Variants in SF3B1 observed in about 807,000 individuals in gnomAD.
SF3B1 encodes pre-mRNA processing 10.
Under a neutral mutation model 153.8 loss-of-function variants are expected in SF3B1, and 12 were observed. That is an observed-to-expected ratio of 0.08 (90% confidence interval 0.05 to 0.13). SF3B1 has a LOEUF of 0.13. SF3B1 is among the 10% of genes least tolerant of loss of function. The pLI is 1.00. For missense variants in SF3B1, 513 were observed against 1,606.1 expected (o/e 0.32, Z 11.63); for synonymous variants, 498 against 525.2 (o/e 0.95, Z 0.71).
At chr2:197,427,880 G>T (rs1034331434) in intron 1 of SF3B1, among the ~76,000 whole-genome samples, 11 of 152,076 alleles carry the variant, frequency 7.2e-5, no homozygotes, top group African/African-American at 2.4e-4. Context: ...TTAGCCAGGT[G>T]TGGTGGTGGG....
intron 1 of SF3B1, among the ~76,000 whole-genome samples, chr2:197,426,509 T>C (rs556498448): frequency 1.3e-5 from 2 of 152,206 alleles, no homozygotes; most frequent in Admixed American, 6.5e-5. Flanking sequence ...TTTACCTAAA[T>C]AGGTTTTTGT....
At chr2:197,414,488 CAAGA>C (rs2085118445) in intron 6 of SF3B1, among the ~76,000 whole-genome samples, 2 of 151,980 alleles carry the variant, frequency 1.3e-5, no homozygotes, top group South Asian at 4.1e-4. Context: ...TGAGGGGAAG[CAAGA>C]AAGACTAAAA....
Position 197,408,484 on chromosome 2 carries a change from T to C in SF3B1, c.1002A>G (p.Arg334=), listed in dbSNP as rs1003497902. ...CTGGTGTTTCATCCCACCGTGATTT[T>C]CTTTTACTGGCTCCAGGAGTCGGTG... ...GETPTPGASK[R]KSRWDETPAS... Residue 334 remains arginine (R), a synonymous_variant, in exon 8 of 25, where the codon AGA becomes AGG. Coordinates refer to ENST00000335508, the MANE Select transcript of SF3B1 (RefSeq NM_012433.4). 6.2e-7 allele frequency: 1 copy of C among 1,613,964 alleles called. No homozygotes were observed. Among genetic ancestry groups the C allele is most frequent in the African/African-American group, 1.3e-5 (1 of 74,920 alleles).
intron 6 of SF3B1, among the ~76,000 whole-genome samples, chr2:197,411,375 TA>T (rs937023496): frequency 2.6e-5 from 4 of 152,144 alleles, no homozygotes; most frequent in Admixed American, 1.3e-4. Flanking sequence ...ATATTTGTTT[TA>T]AAGTTGGGAG....
At chr2:197,416,575 A>T in intron 6 of SF3B1, 166 bp downstream of exon 6, 1 of 576,018 alleles carries the variant, frequency 1.7e-6, no homozygotes, top group Non-Finnish European at 3.0e-6. Context: ...CCCTGTTGGC[A>T]CTCTGATCTT....
At chr2:197,423,225 A>G (rs1179106939) in intron 2 of SF3B1, among the ~76,000 whole-genome samples, 1 of 152,066 alleles carries the variant, frequency 6.6e-6, no homozygotes, top group African/African-American at 2.4e-5. Context: ...CATCTCTACT[A>G]AAAATACAAA....
chr2:197,418,721 TAATA>T (rs1298990391), intron 4 of SF3B1, 133 bp from the exon 5 acceptor site: 6 of 1,448,612 alleles, frequency 4.1e-6, no homozygotes, highest in Non-Finnish European at 4.6e-6. Context: ...TGGAAAACTT[TAATA>T]ATTATACATC....
In SF3B1 at chr2:197,391,277, AT is replaced by A. The variant is rs971831299; in HGVS notation, c.*1025del. ...AATACAAAGCTAAGCAAACCTAGAC[AT>A]TTTAGCTGCTGCCACTGTGTATTAT... On this transcript the variant is annotated 3_prime_UTR_variant, in exon 25 of 25. Transcript: ENST00000335508. 1 of 152,186 alleles carries A rather than the reference AT, an allele frequency of 6.6e-6. No individual in the cohort carries two copies. The highest frequency in any genetic ancestry group is 2.4e-5 in the African/African-American group (1 of 41,438). The allele number at this position is 152,186 out of a possible 1,614,324, so 9.4% of individuals were successfully genotyped here. A position where few individuals can be genotyped will look rare whatever the true frequency, so the allele number is the denominator to read the frequency against.
At chr2:197,399,965 C>T in intron 20 of SF3B1, 90 bp downstream of exon 20, 1 of 874,042 alleles carries the variant, frequency 1.1e-6, no homozygotes. Flanking sequence ...AAAAACCTCC[C>T]AACTCCTAAA....
intron 21 of SF3B1, 85 bp downstream of exon 21, chr2:197,398,376 T>A (rs1490097460): frequency 1.4e-6 from 2 of 1,382,072 alleles, no homozygotes; most frequent in Non-Finnish European, 2.0e-6. Context: ...ATTAGTGACA[T>A]TAAGGAAATT....
chr2:197,397,885 A>C, intron 22 of SF3B1, 100 bp downstream of exon 22: 1 of 818,800 alleles, frequency 1.2e-6, no homozygotes, highest in Non-Finnish European at 1.9e-6. Context: ...CATTATTCAG[A>C]CCATGCCTCA....
chr2:197,413,095 T>G (rs918349058), intron 6 of SF3B1, among the ~76,000 whole-genome samples: 4 of 150,612 alleles, frequency 2.7e-5, no homozygotes, highest in African/African-American at 4.9e-5. Flanking sequence ...ATGTCATCCA[T>G]AGAATTAAAG....
chr2:197,434,829 G>A (rs2085497352), intron 1 of SF3B1, 143 bp downstream of exon 1: 3 of 821,454 alleles, frequency 3.7e-6, no homozygotes, highest in Non-Finnish European at 5.9e-6. Context: ...CTGCGCCGCT[G>A]GCGCGGAGGA....
At chr2:197,395,943 A>G in intron 23 of SF3B1, 113 bp downstream of exon 23, 1 of 879,344 alleles carries the variant, frequency 1.1e-6, no homozygotes, top group Non-Finnish European at 1.8e-6. Flanking sequence ...CCAGGCTAGC[A>G]ATTTTTTCTT....
intron 22 of SF3B1, among the ~76,000 whole-genome samples, chr2:197,396,613 G>A (rs1254419302): frequency 1.3e-5 from 2 of 152,130 alleles, no homozygotes; most frequent in Non-Finnish European, 2.9e-5. Context: ...GTAATTTTCA[G>A]TTCTTAAACT....
At chr2:197,407,060 T>C (rs1185456784) in intron 9 of SF3B1, among the ~76,000 whole-genome samples, 22 of 152,028 alleles carry the variant, frequency 1.4e-4, no homozygotes, top group Admixed American at 1.4e-3. Flanking sequence ...TGCTCTCCAG[T>C]ACGGGCAACA....
chr2:197,393,312 A>G (rs1380873977), intron 23 of SF3B1, 124 bp from the exon 24 acceptor site: 4 of 673,466 alleles, frequency 5.9e-6, no homozygotes, highest in Non-Finnish European at 1.1e-5. Flanking sequence ...TAAATTACTA[A>G]TTCAGTGCAC....
At chr2:197,421,367 T>C (rs2564370) in intron 2 of SF3B1, among the ~76,000 whole-genome samples, 211 of 152,358 alleles carry the variant, frequency 1.4e-3, no homozygotes, top group African/African-American at 4.9e-3. Flanking sequence ...ATATTTTCTA[T>C]AGACGTCAAT....
intron 1 of SF3B1, among the ~76,000 whole-genome samples, chr2:197,429,854 G>A (rs932141631): frequency 9.2e-5 from 14 of 151,930 alleles, no homozygotes; most frequent in African/African-American, 3.4e-4. Flanking sequence ...TCAGAACTAT[G>A]CTCATACTTA....
Sources: allele counts gnomAD v4.1 joint callset (sites outside exome capture counted in the v4.1 genomes callset), GRCh38; gene constraint gnomAD v4.1.1; transcripts MANE v1.5; gene names NCBI Gene and HGNC (gene_info 2026-07-23, HGNC 2026-07-21).